The following ZW10 variants were observed in gnomAD, a reference collection of about 807,000 sequenced individuals.
The protein encoded by ZW10 is centromere/kinetochore protein zw10 homolog.
A neutral mutation model predicts 87.8 loss-of-function variants in ZW10; 53 were observed. The ratio of observed to expected loss-of-function variants is 0.60; its 90% CI spans 0.48 to 0.76. The LOEUF (loss-of-function observed/expected upper bound fraction) is 0.76. Among genes scored for constraint, ZW10 ranks in the 30% least tolerant of loss-of-function variants. ZW10 has a pLI of 0.00. For synonymous variants in ZW10, 312 were observed against 329.2 expected, an observed-to-expected ratio of 0.95 and a Z score of 0.57; for missense variants, 837 against 923.0, an observed-to-expected ratio of 0.91 and a Z score of 1.21.
Position 113,747,641 on chromosome 11 carries a change from A to G in ZW10, c.1162T>C (p.Leu388=), listed in dbSNP as rs201633567. 82 of 1,613,738 alleles carry G rather than the reference A, an allele frequency of 5.1e-5. No individual in the cohort carries two copies. The highest frequency in any genetic ancestry group is 6.4e-5 in the Non-Finnish European group (76 of 1,179,758). Residue 388 remains leucine, a synonymous_variant, in exon 9 of 16, where the codon TTG becomes CTG. Coordinates refer to ENST00000200135, the MANE Select transcript of ZW10 (RefSeq NM_004724.4). The stretch of plus-strand genomic sequence containing the variant: ...TTGATGTTACGAGCGTATTTCAGCA[A>G]ATCTGTAGTATCTCCTTTTAAAAAT... The part of the protein sequence containing the change: ...MRFLKGDTTD[L]LKYARNINSH...
intron 10 of ZW10, among the ~76,000 whole-genome samples, chr11:113,743,394 G>A (rs1341327611): frequency 6.6e-6 from 1 of 152,130 alleles, no homozygotes; most frequent in Non-Finnish European, 1.5e-5. Flanking sequence ...AAACATTTGA[G>A]TATTAATCAT....
In ZW10 at chr11:113,733,631, G is replaced by T. The variant is rs574937454; in HGVS notation, c.*63C>A. ...TGGGCGATTCAAAGAAGTCTTTAAGGGAGTAATTATGCCAAGGGAAGAATC... is the reference window on the plus strand; with the variant it reads ...TGGGCGATTCAAAGAAGTCTTTAAGTGAGTAATTATGCCAAGGGAAGAATC... On this transcript the variant is annotated 3_prime_UTR_variant, in exon 16 of 16. Transcript: ENST00000200135. 2 of 1,607,534 alleles carry T rather than the reference G, an allele frequency of 1.2e-6. No individual in the cohort carries two copies. Among genetic ancestry groups the T allele is most frequent in the Non-Finnish European group, 1.7e-6 (2 of 1,177,242 alleles).
At chr11:113,747,734 A>G in intron 8 of ZW10, 21 bp from the exon 9 acceptor site, 1 of 1,562,012 alleles carries the variant, frequency 6.4e-7, no homozygotes. Flanking sequence ...AAAGAAAAAA[A>G]AGAAAAGAAT....
At chr11:113,735,013 G>A (rs900001441) in intron 15 of ZW10, among the ~76,000 whole-genome samples, 5 of 152,126 alleles carry the variant, frequency 3.3e-5, no homozygotes, top group African/African-American at 1.2e-4. Context: ...CTCATGGAGA[G>A]CATTTGGAGA....
At chr11:113,769,216 T>G (rs76332124) in intron 1 of ZW10, among the ~76,000 whole-genome samples, 11,788 of 150,212 alleles carry the variant, frequency 0.078, 563 homozygotes, top group African/African-American at 0.13. Flanking sequence ...ACTCCAAGAG[T>G]ATATACAACT....
intron 2 of ZW10, among the ~76,000 whole-genome samples, chr11:113,764,387 T>C (rs931872447): frequency 6.6e-6 from 1 of 152,188 alleles, no homozygotes; most frequent in Non-Finnish European, 1.5e-5. Flanking sequence ...TTTTTCTAAT[T>C]CTGTGAGGAA....
chr11:113,745,670 G>A (rs984502436), intron 9 of ZW10, among the ~76,000 whole-genome samples: 1 of 152,174 alleles, frequency 6.6e-6, no homozygotes, highest in Non-Finnish European at 1.5e-5. Flanking sequence ...GACTTCATGA[G>A]GAGGGGCAAA....
At chr11:113,737,182 G>A (rs976472180) in intron 14 of ZW10, among the ~76,000 whole-genome samples, 1 of 152,124 alleles carries the variant, frequency 6.6e-6, no homozygotes, top group African/African-American at 2.4e-5. Flanking sequence ...TTTTCCTGAA[G>A]AATCACATGT....
chr11:113,747,765 C>T, intron 8 of ZW10, 52 bp from the exon 9 acceptor site: 1 of 1,398,104 alleles, frequency 7.2e-7, no homozygotes, highest in Non-Finnish European at 9.6e-7. Flanking sequence ...TATTCCATTA[C>T]AATATTAGAA....
intron 9 of ZW10, among the ~76,000 whole-genome samples, chr11:113,744,241 GC>G (rs901082688): frequency 2.6e-5 from 4 of 152,082 alleles, no homozygotes; most frequent in African/African-American, 9.7e-5. Flanking sequence ...CAAAAAATTG[GC>G]CGGGCGTGGC....
rs1953808679 is a variant in ZW10 at position 113,757,844 on chromosome 11, A to C, written c.743T>G (p.Leu248Arg). The C allele has an allele frequency of 6.3e-7, 1 of 1,596,806 alleles. No individual in the cohort carries two copies. ...HSKLKSFGQM[L>R]LKYILRPLAS... The stretch of plus-strand genomic sequence containing the variant: ...CAGCGGCCTAAGGATATACTTCAGC[A>C]GCATCTGACCTGAAAAATCATATGA... The change falls in exon 7 of 16, where the codon CTG (leucine) becomes CGG (arginine). Residue 248 changes from leucine to arginine, a missense_variant. Transcript: ENST00000200135.
intron 7 of ZW10, among the ~76,000 whole-genome samples, chr11:113,754,247 G>C (rs1361864251): frequency 6.6e-6 from 1 of 152,148 alleles, no homozygotes; most frequent in Admixed American, 6.5e-5. Flanking sequence ...CACTTTGGGA[G>C]GCCAAGGCAG....
rs543538323 is a variant in ZW10, at chr11:113,747,629, C to A, written c.1174G>T (p.Ala392Ser). ...KGDTTDLLKY[A>S]RNINSHFANK... ...GCAAAATGAGAATTGATGTTACGAG[C>A]GTATTTCAGCAAATCTGTAGTATCT... The change falls in exon 9 of 16, where the codon GCT becomes TCT. Residue 392 changes from alanine to serine, a missense_variant. Coordinates refer to ENST00000200135, the MANE Select transcript of ZW10 (RefSeq NM_004724.4). 7 of 1,613,480 alleles carry A rather than the reference C, an allele frequency of 4.3e-6. No homozygotes were observed. Among genetic ancestry groups the A allele is most frequent in the Non-Finnish European group, 5.9e-6 (7 of 1,179,712 alleles).
chr11:113,773,535 G>C, intron 1 of ZW10, 27 bp downstream of exon 1: 1 of 1,599,796 alleles, frequency 6.3e-7, no homozygotes, highest in Non-Finnish European at 8.5e-7. Flanking sequence ...TCCCCTTCCA[G>C]TCAGCAGACA....
chr11:113,738,218 A>T, intron 13 of ZW10, 46 bp downstream of exon 13: 1 of 1,527,302 alleles, frequency 6.5e-7, no homozygotes, highest in African/African-American at 1.4e-5. Flanking sequence ...AAAAAAAGGC[A>T]TCTAAGGATA....
At chr11:113,766,261 A>T (rs1338493322) in intron 2 of ZW10, among the ~76,000 whole-genome samples, 1 of 152,122 alleles carries the variant, frequency 6.6e-6, no homozygotes, top group Non-Finnish European at 1.5e-5. Flanking sequence ...GCTACCCAGG[A>T]GGGTGAGGTG....
intron 7 of ZW10, among the ~76,000 whole-genome samples, chr11:113,752,624 G>A (rs1565284308): frequency 6.6e-6 from 1 of 152,248 alleles, no homozygotes; most frequent in East Asian, 1.9e-4. Flanking sequence ...ATTGTTTTGA[G>A]ATGCCATGAA....
At chr11:113,747,423 C>T (rs1392741651) in intron 9 of ZW10, 108 bp downstream of exon 9, 4 of 1,005,944 alleles carry the variant, frequency 4.0e-6, no homozygotes, top group Non-Finnish European at 5.7e-6. Flanking sequence ...GATAACTTGA[C>T]TCAGCTCAAC....
At position 113,735,224 on chromosome 11, in the gene ZW10, G is replaced by A. The variant is rs144503335; in HGVS notation, c.2219+1396C>T. On this transcript the variant is annotated intron_variant, in intron 15 of 15. Transcript: ENST00000200135. Reference sequence around the variant, plus strand: ...ATTTCCTAGGCAGTAAAAAGAAGTTGAGTTGTACTAGTGTTATAATTTTTC... The same window carrying A: ...ATTTCCTAGGCAGTAAAAAGAAGTTAAGTTGTACTAGTGTTATAATTTTTC... Among the ~76,000 whole-genome samples, 1,026 of 152,248 alleles carry A rather than the reference G, an allele frequency of 6.7e-3. 11 individuals carry two copies. The highest frequency in any genetic ancestry group is 0.022 in the African/African-American group (927 of 41,554).
Sources: allele counts gnomAD v4.1 joint callset (sites outside exome capture counted in the v4.1 genomes callset), GRCh38; gene constraint gnomAD v4.1.1; transcripts MANE v1.5; gene names NCBI Gene and HGNC (gene_info 2026-07-23, HGNC 2026-07-21).